Variants in LAMTOR4 observed in about 807,000 individuals in gnomAD.
LAMTOR4 encodes the protein late endosomal/lysosomal adaptor, MAPK and MTOR activator 4.
LAMTOR4 carries 11 observed loss-of-function variants against 13.5 expected under a neutral mutation model. The observed-to-expected ratio is 0.82, with a 90% confidence interval of 0.51 to 1.35. The LOEUF (loss-of-function observed/expected upper bound fraction) is 1.35. LAMTOR4 is among the 40% of genes most tolerant of loss of function. LAMTOR4 has a pLI of 0.00. For synonymous variants in LAMTOR4, 69 were observed against 52.3 expected (o/e 1.32, Z -1.38); for missense variants, 128 against 126.2 (o/e 1.01, Z -0.07).
At position 100,154,185 on chromosome 7, in the gene LAMTOR4, A is replaced by G. The variant is rs1798817007; in HGVS notation, c.*221A>G. The stretch of plus-strand genomic sequence containing the variant: ...TGTGCTCCCTCACTCCCTAATAAAC[A>G]TGAGTCTGATGTTCTCCAGCCCAGG... On this transcript the variant is annotated 3_prime_UTR_variant, in exon 4 of 4. Coordinates refer to ENST00000341942, the MANE Select transcript of LAMTOR4 (RefSeq NM_001008395.4). 3.8e-6 allele frequency: 2 copies of G among 521,836 alleles called. No homozygotes were observed. The highest frequency in any genetic ancestry group is 1.9e-5 in the African/African-American group (1 of 52,054). The allele number at this position is 521,836 out of a possible 1,614,324, so 32.3% of individuals were successfully genotyped here.
intron 3 of LAMTOR4, 96 bp downstream of exon 3, chr7:100,153,613 C>G: frequency 9.0e-7 from 1 of 1,113,354 alleles, no homozygotes; most frequent in Admixed American, 1.7e-5. Context: ...CCTACCATCT[C>G]CTGGGGTCTC....
Position 100,149,548 on chromosome 7 carries a change from A to G in LAMTOR4, c.53A>G (p.Tyr18Cys), listed in dbSNP as rs1210175955. The change falls in exon 2 of 4, where the codon TAC becomes TGC. Residue 18 changes from tyrosine (Y) to cysteine (C), a missense_variant. By Grantham distance (194) the Tyr-to-Cys change is radical. Transcript: ENST00000341942. ...GAGCGAATCCCAGACCAGCTCGGCTACCTGGTACTGAGTGAAGGTGCAGTG... is the reference window on the plus strand; with the variant it reads ...GAGCGAATCCCAGACCAGCTCGGCTGCCTGGTACTGAGTGAAGGTGCAGTG... ...GLERIPDQLG[Y>C]LVLSEGAVLA... 5 of 1,613,850 alleles carry G rather than the reference A, an allele frequency of 3.1e-6. No individual in the cohort carries two copies. Among genetic ancestry groups the G allele is most frequent in the Non-Finnish European group, 4.2e-6 (5 of 1,179,940 alleles).
At chr7:100,152,492 T>C (rs1449008659) in intron 2 of LAMTOR4, among the ~76,000 whole-genome samples, 1 of 152,176 alleles carries the variant, frequency 6.6e-6, no homozygotes, top group Non-Finnish European at 1.5e-5. Flanking sequence ...GGCCCAACTT[T>C]AGACATTGAG....
Position 100,149,544 on chromosome 7 carries a change from G to C in LAMTOR4, c.49G>C (p.Gly17Arg). The change falls in exon 2 of 4, where the codon GGC (glycine) becomes CGC (arginine). Residue 17 changes from glycine to arginine, a missense_variant. Physicochemically the swap from Gly to Arg is moderately radical, Grantham distance 125 (BLOSUM62 -2). Transcript: ENST00000341942. ...QGLERIPDQL[G>R]YLVLSEGAVL... ...GCTGGAGCGAATCCCAGACCAGCTC[G>C]GCTACCTGGTACTGAGTGAAGGTGC... 1.9e-6 allele frequency: 3 copies of C among 1,613,990 alleles called. No individual in the cohort carries two copies. The highest frequency in any genetic ancestry group is 2.5e-6 in the Non-Finnish European group (3 of 1,179,964).
Position 100,153,997 on chromosome 7 carries a change from T to C in LAMTOR4, c.*33T>C, listed in dbSNP as rs755872826. On this transcript the variant is annotated 3_prime_UTR_variant, in exon 4 of 4. Coordinates refer to ENST00000341942, the MANE Select transcript of LAMTOR4 (RefSeq NM_001008395.4). Reference sequence around the variant, plus strand: ...GGAGGGCGAGGGTCGGAGAAGCGGATTGGGTCCTGGGCCTCTGTGATGAGG... The same window carrying C: ...GGAGGGCGAGGGTCGGAGAAGCGGACTGGGTCCTGGGCCTCTGTGATGAGG... The C allele has an allele frequency of 6.6e-7, 1 of 1,519,238 alleles. No homozygotes were observed. Among genetic ancestry groups the C allele is most frequent in the East Asian group, 2.4e-5 (1 of 41,774 alleles). The allele number at this position is 1,519,238 out of a possible 1,614,324, so 94.1% of individuals were successfully genotyped here. A position where few individuals can be genotyped will look rare whatever the true frequency, so the allele number is the denominator to read the frequency against.
intron 1 of LAMTOR4, 171 bp from the exon 2 acceptor site, chr7:100,149,328 A>C: frequency 1.5e-6 from 1 of 652,538 alleles, no homozygotes; most frequent in Non-Finnish European, 2.7e-6. Context: ...GAGGCTCGGG[A>C]AGATCAGTAT....
At chr7:100,149,712 C>T in intron 2 of LAMTOR4, 133 bp downstream of exon 2, 1 of 640,086 alleles carries the variant, frequency 1.6e-6, no homozygotes, top group Non-Finnish European at 2.8e-6. Context: ...AAAGTATTTG[C>T]AGTTTTTGCA....
chr7:100,150,907 T>C (rs1353515496), intron 2 of LAMTOR4, among the ~76,000 whole-genome samples: 1 of 150,818 alleles, frequency 6.6e-6, no homozygotes, highest in African/African-American at 2.4e-5. Context: ...TAGAATGGCG[T>C]GAACCTGGAA....
At chr7:100,151,533 C>T (rs531950956) in intron 2 of LAMTOR4, among the ~76,000 whole-genome samples, 5 of 151,608 alleles carry the variant, frequency 3.3e-5, no homozygotes, top group Admixed American at 2.6e-4. Flanking sequence ...GGACTACAGG[C>T]GCCCGCCACC....
rs537497686 is a variant in LAMTOR4, at chr7:100,148,964, A to T, written c.-9A>T. 198 of 1,612,224 alleles carry T rather than the reference A, an allele frequency of 1.2e-4. 2 individuals carry two copies. The East Asian group carries it at 4.1e-3, about 34-fold the overall frequency. ...CTGGTAGGGAGCTCCCCCAGCACCGAAGACTGCGATGGTGAGTGAGGACGC... is the reference window on the plus strand; with the variant it reads ...CTGGTAGGGAGCTCCCCCAGCACCGTAGACTGCGATGGTGAGTGAGGACGC... On this transcript the variant is annotated 5_prime_UTR_variant, in exon 1 of 4. Transcript: ENST00000341942.
At position 100,149,433 on chromosome 7, in the gene LAMTOR4, G is replaced by T. The variant is rs1181331384; in HGVS notation, c.4-66G>T. On this transcript the variant is annotated intron_variant, in intron 1 of 3. Coordinates refer to ENST00000341942, the MANE Select transcript of LAMTOR4 (RefSeq NM_001008395.4). ...GTCAACCCAGAGACTTGGGTTTGCA[G>T]GTGAAGGGTATCGGGCCGTCCATCC... 6.3e-6 allele frequency: 7 copies of T among 1,103,740 alleles called. No individual in the cohort carries two copies. In the Admixed American group the frequency reaches 1.2e-4, roughly 19 times the overall value. The allele number at this position is 1,103,740 out of a possible 1,614,324, so 68.4% of individuals were successfully genotyped here. A position where few individuals can be genotyped will look rare whatever the true frequency, so the allele number is the denominator to read the frequency against.
chr7:100,154,039 T>G lies in LAMTOR4; in HGVS notation c.*75T>G. The G allele has an allele frequency of 4.8e-5, 57 of 1,175,636 alleles. No homozygotes were observed. Among genetic ancestry groups the G allele is most frequent in the Non-Finnish European group, 6.2e-5 (50 of 806,144 alleles). 72.8% of individuals were successfully genotyped at this position (1,175,636 alleles called of 1,614,324 possible). A position where few individuals can be genotyped will look rare whatever the true frequency, so the allele number is the denominator to read the frequency against. On this transcript the variant is annotated 3_prime_UTR_variant, in exon 4 of 4. Transcript: ENST00000341942. ...GTGATGAGGCAGGCACACCTGTCGG[T>G]CTTGGCTTGCTGCTAGAACTAGGGC...
At position 100,148,948 on chromosome 7, in the gene LAMTOR4, A is replaced by G. The variant is rs1798606841; in HGVS notation, c.-25A>G. ...GCCGGAAGCTACCTATCTGGTAGGGAGCTCCCCCAGCACCGAAGACTGCGA... is the reference window on the plus strand; with the variant it reads ...GCCGGAAGCTACCTATCTGGTAGGGGGCTCCCCCAGCACCGAAGACTGCGA... On this transcript the variant is annotated 5_prime_UTR_variant, in exon 1 of 4. Coordinates refer to ENST00000341942, the MANE Select transcript of LAMTOR4 (RefSeq NM_001008395.4). The G allele has an allele frequency of 3.1e-6, 5 of 1,611,982 alleles. No homozygotes were observed. The highest frequency in any genetic ancestry group is 2.7e-5 in the African/African-American group (2 of 74,858).
chr7:100,149,352 G>C, intron 1 of LAMTOR4, 147 bp from the exon 2 acceptor site: 1 of 696,470 alleles, frequency 1.4e-6, no homozygotes, highest in South Asian at 1.6e-5. Flanking sequence ...GGACCATGTA[G>C]GGGGGAGGGG....
Position 100,153,556 on chromosome 7 carries a change from G to A in LAMTOR4, c.202+39G>A, listed in dbSNP as rs766916913. 3.9e-6 allele frequency: 6 copies of A among 1,540,924 alleles called. No individual in the cohort carries two copies. In the African/African-American group the frequency reaches 4.1e-5, roughly 10 times the overall value. On this transcript the variant is annotated intron_variant, in intron 3 of 3. Transcript: ENST00000341942. ...CCTGCCCTTGGTGGTGGTACTGGGA[G>A]CGGGGGGCTACTTCCAGGGGCTTCT...
In LAMTOR4 at chr7:100,154,189, G is replaced by A; in HGVS notation, c.*225G>A. 1 of 528,858 alleles carries A rather than the reference G, an allele frequency of 1.9e-6. No individual in the cohort carries two copies. The highest frequency in any genetic ancestry group is 3.3e-5 in the East Asian group (1 of 30,686). 32.8% of individuals were successfully genotyped at this position (528,858 alleles called of 1,614,324 possible). ...CTCCCTCACTCCCTAATAAACATGA[G>A]TCTGATGTTCTCCAGCCCAGGGACA... On this transcript the variant is annotated 3_prime_UTR_variant, in exon 4 of 4. Transcript: ENST00000341942.
At chr7:100,149,051 C>A in intron 1 of LAMTOR4, 76 bp downstream of exon 1, 1 of 1,546,800 alleles carries the variant, frequency 6.5e-7, no homozygotes, top group South Asian at 1.2e-5. Flanking sequence ...TGGTTTCCCC[C>A]TGGTGGGCCT....
chr7:100,150,304 T>A (rs1798662098), intron 2 of LAMTOR4, among the ~76,000 whole-genome samples: 2 of 152,206 alleles, frequency 1.3e-5, no homozygotes, highest in South Asian at 4.1e-4. Context: ...ATACAGGTGG[T>A]AAAGACTATT....
intron 3 of LAMTOR4, 122 bp downstream of exon 3, chr7:100,153,639 C>A: frequency 1.1e-6 from 1 of 932,278 alleles, no homozygotes; most frequent in Non-Finnish European, 1.7e-6. Context: ...TGGCCACTTT[C>A]CTCCCTTTGG....
Sources: allele counts gnomAD v4.1 joint callset (sites outside exome capture counted in the v4.1 genomes callset), GRCh38; gene constraint gnomAD v4.1.1; transcripts MANE v1.5; gene names NCBI Gene and HGNC (gene_info 2026-07-23, HGNC 2026-07-21).